RAB3C: variants seen among roughly 807,000 people sequenced by gnomAD.
RAB3C encodes ras-related protein Rab-3C.
Under a neutral mutation model 26.4 loss-of-function variants are expected in RAB3C, and 17 were observed. That is an observed-to-expected ratio of 0.64 (90% CI 0.44 to 0.97). The LOEUF (loss-of-function observed/expected upper bound fraction) is 0.97, where lower values mean the gene tolerates loss of function less well. Ranked by LOEUF, RAB3C falls within the 50% of genes least tolerant of loss-of-function variation. The pLI, the probability that RAB3C is intolerant of heterozygous loss-of-function variation, is 0.00. For missense variants in RAB3C, 242 were observed against 281.9 expected, an observed-to-expected ratio of 0.86 and a Z score of 1.01; for synonymous variants, 91 against 95.9, an observed-to-expected ratio of 0.95 and a Z score of 0.30.
chr5:58,596,395 T>C (rs897692075), intron 1 of RAB3C, among the ~76,000 whole-genome samples: 5 of 145,872 alleles, frequency 3.4e-5, no homozygotes, highest in African/African-American at 1.3e-4. Flanking sequence ...TCTATAAAGA[T>C]TTTGCTCTTG....
At chr5:58,708,086 G>A (rs1748983350) in intron 2 of RAB3C, among the ~76,000 whole-genome samples, 1 of 151,574 alleles carries the variant, frequency 6.6e-6, no homozygotes, top group Non-Finnish European at 1.5e-5. Flanking sequence ...AAACTCCTGG[G>A]TTTAAGCGAT....
At chr5:58,787,914 G>C (rs916407495) in intron 3 of RAB3C, among the ~76,000 whole-genome samples, 1 of 152,324 alleles carries the variant, frequency 6.6e-6, no homozygotes, top group African/African-American at 2.4e-5. Context: ...GTTGGCTAGG[G>C]ATTCCAAACT....
At chr5:58,617,925 T>C in intron 2 of RAB3C, 55 bp downstream of exon 2, 1 of 1,118,452 alleles carries the variant, frequency 8.9e-7, no homozygotes, top group East Asian at 2.5e-5. Context: ...AACATATCCA[T>C]TTGTAAGGGA....
rs113278285 is a variant in RAB3C at position 58,666,923 on chromosome 5, C to A, written c.252+49053C>A. On this transcript the variant is annotated intron_variant, in intron 2 of 4. Transcript: ENST00000282878. The stretch of plus-strand genomic sequence containing the variant: ...GACGTCAGACCAGAGCCAAAAATTT[C>A]TTTTATTGCATCTGAACATTTGAGC... Among the ~76,000 whole-genome samples, 1,197 of 152,270 alleles carry A rather than the reference C, an allele frequency of 7.9e-3. 11 individuals are homozygous for A. The highest frequency in any genetic ancestry group is 0.027 in the African/African-American group (1,115 of 41,550).
intron 2 of RAB3C, among the ~76,000 whole-genome samples, chr5:58,632,983 T>C (rs1338764801): frequency 6.6e-6 from 1 of 152,222 alleles, no homozygotes; most frequent in African/African-American, 2.4e-5. Flanking sequence ...TGAAGCAAAA[T>C]GGGAGGTTCT....
rs1053848494 is a variant in RAB3C, at chr5:58,709,811, T to G, written c.253-16191T>G. On this transcript the variant is annotated intron_variant, in intron 2 of 4. Coordinates refer to ENST00000282878, the MANE Select transcript of RAB3C (RefSeq NM_138453.4). ...GGAAAAGAATTACTTTAACAGCAAT[T>G]GAAGCCATTTCTGGATGATTTCAAC... Among the ~76,000 whole-genome samples the G allele has an allele frequency of 2.6e-5, 4 of 152,224 alleles. No homozygotes were observed. The East Asian group carries it at 7.7e-4, about 29-fold the overall frequency.
At chr5:58,674,641 T>C (rs541116526) in intron 2 of RAB3C, among the ~76,000 whole-genome samples, 1 of 152,336 alleles carries the variant, frequency 6.6e-6, no homozygotes, top group South Asian at 2.1e-4. Flanking sequence ...TTTAATACTG[T>C]AATACAGTTT....
intron 3 of RAB3C, among the ~76,000 whole-genome samples, chr5:58,764,177 G>C (rs966001078): frequency 2.6e-5 from 4 of 152,114 alleles, no homozygotes; most frequent in African/African-American, 9.7e-5. Context: ...TTCAGAGAGG[G>C]GGACAATTTC....
At chr5:58,619,659 G>A (rs1005618420) in intron 2 of RAB3C, among the ~76,000 whole-genome samples, 4 of 152,082 alleles carry the variant, frequency 2.6e-5, no homozygotes, top group African/African-American at 7.2e-5. Flanking sequence ...TTTAGATAAA[G>A]CATCAGCATG....
intron 3 of RAB3C, among the ~76,000 whole-genome samples, chr5:58,772,836 T>C (rs1430710200): frequency 2.6e-5 from 4 of 152,170 alleles, no homozygotes; most frequent in African/African-American, 9.7e-5. Context: ...GTCTATTGTA[T>C]AGAGAATCAT....
intron 3 of RAB3C, among the ~76,000 whole-genome samples, chr5:58,804,542 A>G (rs1036030666): frequency 1.3e-5 from 2 of 152,214 alleles, no homozygotes; most frequent in African/African-American, 4.8e-5. Context: ...CTTATTTAGC[A>G]CCATTGCTAA....
chr5:58,777,628 GGTACAT>G (rs1742176497), intron 3 of RAB3C, among the ~76,000 whole-genome samples: 1 of 149,492 alleles, frequency 6.7e-6, no homozygotes, highest in African/African-American at 2.5e-5. Flanking sequence ...TAAGTTATAG[GGTACAT>G]GTGCACAACG....
rs1305725600 is a variant in RAB3C at position 58,853,284 on chromosome 5, T to A, written c.*1933T>A. On this transcript the variant is annotated 3_prime_UTR_variant, in exon 5 of 5. Transcript: ENST00000282878. ...GTCTGTTTGTACAATGTTATAATAT[T>A]TCTGTAACTTGGGCCAGAATGTGGC... The A allele has an allele frequency of 6.6e-6, 1 of 152,202 alleles. No individual in the cohort carries two copies. Among genetic ancestry groups the A allele is most frequent in the Non-Finnish European group, 1.5e-5 (1 of 68,026 alleles). The allele number at this position is 152,202 out of a possible 1,614,324, so 9.4% of individuals were successfully genotyped here.
intron 3 of RAB3C, chr5:58,823,142 A>T: frequency 5.2e-6 from 2 of 383,862 alleles, no homozygotes; most frequent in South Asian, 4.7e-5. Context: ...GCATTACCTA[A>T]TGGAAGCAGA....
At chr5:58,729,599 T>C (rs1032090878) in intron 3 of RAB3C, among the ~76,000 whole-genome samples, 1 of 150,050 alleles carries the variant, frequency 6.7e-6, no homozygotes, top group Non-Finnish European at 1.5e-5. Context: ...TTTTATATTT[T>C]ATTATATGTA....
At chr5:58,850,025 C>G (rs1579953079) in intron 4 of RAB3C, among the ~76,000 whole-genome samples, 1 of 152,146 alleles carries the variant, frequency 6.6e-6, no homozygotes, top group Admixed American at 6.5e-5. Flanking sequence ...ATTAGAAAAG[C>G]CTTTCTATGT....
chr5:58,777,279 C>T (rs985230640), intron 3 of RAB3C, among the ~76,000 whole-genome samples: 1 of 152,242 alleles, frequency 6.6e-6, no homozygotes, highest in Admixed American at 6.5e-5. Context: ...CCTTCAATCC[C>T]TCCTGCAACT....
At chr5:58,753,383 T>A (rs1313218894) in intron 3 of RAB3C, among the ~76,000 whole-genome samples, 1 of 152,156 alleles carries the variant, frequency 6.6e-6, no homozygotes, top group Non-Finnish European at 1.5e-5. Flanking sequence ...AAAGTAAATT[T>A]TAAGAAATGC....
chr5:58,601,991 A>G (rs901903875), intron 1 of RAB3C, among the ~76,000 whole-genome samples: 3 of 152,038 alleles, frequency 2.0e-5, no homozygotes, highest in African/African-American at 7.2e-5. Flanking sequence ...GTTTAAGGCT[A>G]TGAACTTTCC....
Sources: gnomAD v4.1 joint callset for allele counts (sites outside exome capture counted in the v4.1 genomes callset) on GRCh38, gnomAD v4.1.1 for gene constraint, MANE v1.5 for transcripts, NCBI Gene and HGNC (gene_info 2026-07-23, HGNC 2026-07-21) for gene names.